The following ANKHD1 variants were observed in gnomAD, a reference collection of about 807,000 sequenced individuals.
ANKHD1 encodes the protein ankyrin repeat and KH domain containing 1, also known as ankyrin repeat and KH domain-containing protein 1.
ANKHD1 carries 31 observed loss-of-function variants against 230.5 expected under a neutral mutation model. The ratio of observed to expected loss-of-function variants is 0.13; its 90% CI spans 0.10 to 0.18. The LOEUF is 0.18. Ranked by LOEUF, ANKHD1 falls within the 10% of genes least tolerant of loss-of-function variation. The probability of loss-of-function intolerance (pLI) is 1.00; values close to 1 mark genes in which losing one functional copy is unlikely to be tolerated. For missense variants in ANKHD1, 2,256 were observed against 3,071.3 expected, an observed-to-expected ratio of 0.73 and a Z score of 6.27; for synonymous variants, 1,074 against 1,117.6, an observed-to-expected ratio of 0.96 and a Z score of 0.78.
At chr5:140,514,227 GCT>G (rs1752886809) in intron 24 of ANKHD1, among the ~76,000 whole-genome samples, 1 of 151,386 alleles carries the variant, frequency 6.6e-6, no homozygotes, top group Admixed American at 6.6e-5. Flanking sequence ...AGATGTCATG[GCT>G]CATGCCTGTA....
In ANKHD1 at chr5:140,450,894, T is replaced by C. The variant is rs189920827; in HGVS notation, c.1242+1589T>C. On this transcript the variant is annotated intron_variant, in intron 7 of 33. Coordinates refer to ENST00000360839, the MANE Select transcript of ANKHD1 (RefSeq NM_017747.3). ...TTGGCTGGGCGTGGTGGCTCATGCC[T>C]GTAATCCTAGCACTTTGAGAGGCTG... 2.2e-4 allele frequency among the ~76,000 whole-genome samples: 33 copies of C among 152,280 alleles called. 1 individual carries two copies. Among genetic ancestry groups the C allele is most frequent in the Admixed American group, 6.5e-4 (10 of 15,294 alleles).
chr5:140,485,844 T>C lies in ANKHD1; in HGVS notation c.2142+112T>C, dbSNP rs1047742227. 1.4e-6 allele frequency: 2 copies of C among 1,425,888 alleles called. No individual in the cohort carries two copies. Among genetic ancestry groups the C allele is most frequent in the African/African-American group, 2.9e-5 (2 of 68,488 alleles). The allele number at this position is 1,425,888 out of a possible 1,614,324, so 88.3% of individuals were successfully genotyped here. A position where few individuals can be genotyped will look rare whatever the true frequency, so the allele number is the denominator to read the frequency against. ...GGACTTGTTTTTATTCTCTGTTACA[T>C]ATTGAGAAAATCATGACTCTAAATT... is the stretch of plus-strand genomic sequence containing the variant. On this transcript the variant is annotated intron_variant, in intron 13 of 33. Transcript: ENST00000360839. This position sits in a 1 kb window ranked among gnomAD's most constrained non-coding sequence, Gnocchi z 4.8.
In ANKHD1 at chr5:140,458,985, TATATATATATGC is replaced by T. The variant is rs1484692609; in HGVS notation, c.1480+134_1480+145del. ...ATATATATATATATATATATGCATA[TATATATATATGC>T]ATATATATATATATATATATATATA... On this transcript the variant is annotated intron_variant, in intron 8 of 33. Transcript: ENST00000360839. 7.0e-3 allele frequency: 145 copies of T among 20,792 alleles called. 6 individuals are homozygous for T. Among genetic ancestry groups the T allele is most frequent in the East Asian group, 0.019 (12 of 644 alleles). The allele number at this position is 20,792 out of a possible 1,614,324, so 1.3% of individuals were successfully genotyped here. A position where few individuals can be genotyped will look rare whatever the true frequency, so the allele number is the denominator to read the frequency against.
chr5:140,458,893 C>A, intron 8 of ANKHD1, 31 bp downstream of exon 8: 2 of 1,548,996 alleles, frequency 1.3e-6, no homozygotes, highest in South Asian at 1.2e-5. Flanking sequence ...TTAGAAAAAT[C>A]AGTTTTCTTT....
intron 5 of ANKHD1, among the ~76,000 whole-genome samples, chr5:140,443,731 G>A (rs1774052809): frequency 6.6e-6 from 1 of 151,462 alleles, no homozygotes; most frequent in African/African-American, 2.4e-5. Flanking sequence ...CTGCCAACAA[G>A]GAAGTTTTAA....
At position 140,505,864 on chromosome 5, in the gene ANKHD1, C is replaced by A; in HGVS notation, c.3403C>A (p.Gln1135Lys). The A allele has an allele frequency of 6.3e-7, 1 of 1,581,376 alleles. No homozygotes were observed. Among genetic ancestry groups the A allele is most frequent in the South Asian group, 1.2e-5 (1 of 85,290 alleles). Residue 1135 changes from glutamine (Q) to lysine (K), a missense_variant, in exon 18 of 34, where the codon CAG becomes AAG. By Grantham distance (53) the Gln-to-Lys change is moderately conservative (BLOSUM62 1). This residue lies in a region of ANKHD1 where 63 missense variants were observed against 125.5 expected (regional missense o/e 0.50). Coordinates refer to ENST00000360839, the MANE Select transcript of ANKHD1 (RefSeq NM_017747.3). ...PLSLACSGGR[Q>K]EVVDLLLARG... is the part of the protein sequence containing the mutation. ...TTCATTGGCATGTTCTGGTGGACGT[C>A]AGGAGGTGTGTTAATGTTAATTTTC...
intron 15 of ANKHD1, among the ~76,000 whole-genome samples, chr5:140,498,761 T>C (rs1220179085): frequency 2.0e-5 from 3 of 152,156 alleles, no homozygotes; most frequent in Non-Finnish European, 4.4e-5. Context: ...TTTTAACATG[T>C]AGTGTTCTGT....
At chr5:140,464,631 G>A in intron 9 of ANKHD1, 36 bp from the exon 10 acceptor site, 4 of 1,495,454 alleles carry the variant, frequency 2.7e-6, no homozygotes, top group Non-Finnish European at 3.6e-6. Context: ...CAATTTTACA[G>A]TTCACAAAGT....
rs759387136 is a variant in ANKHD1 at position 140,529,748 on chromosome 5, G to A, written c.6802G>A (p.Ala2268Thr). The A allele has an allele frequency of 6.2e-7, 1 of 1,614,140 alleles. No homozygotes were observed. The highest frequency in any genetic ancestry group is 1.1e-5 in the South Asian group (1 of 91,070). The change falls in exon 29 of 34, where the codon GCA becomes ACA. Residue 2268 changes from alanine (A) to threonine (T), a missense_variant. Ala to Thr is a moderately conservative substitution (Grantham distance 58). Coordinates refer to ENST00000360839, the MANE Select transcript of ANKHD1 (RefSeq NM_017747.3). ...AAACATGCACCCTGATAACTCAAAG[G>A]CACCTGGCTTCAGACCACCTTCCCA... is the stretch of plus-strand genomic sequence containing the variant. ...LENMHPDNSKAPGFRPPSQRV... is the reference protein window; with the variant it reads ...LENMHPDNSKTPGFRPPSQRV...
At chr5:140,464,304 T>G (rs1775934649) in intron 9 of ANKHD1, among the ~76,000 whole-genome samples, 1 of 152,108 alleles carries the variant, frequency 6.6e-6, no homozygotes, top group South Asian at 2.1e-4. Flanking sequence ...ACGAAATAAT[T>G]GCTCATTTGA....
In ANKHD1 at chr5:140,527,322, T is replaced by C; in HGVS notation, c.5087+248T>C. ...AGTTGCTTTTTATGTAGTTCAAATG[T>C]AAAGGCTTTCTCTTGCTTTTTTTCT... On this transcript the variant is annotated intron_variant, in intron 27 of 33. Transcript: ENST00000360839. This position sits in a 1 kb window ranked among gnomAD's most constrained non-coding sequence, Gnocchi z 4.5. 1 of 376,752 alleles carries C rather than the reference T, an allele frequency of 2.7e-6. No homozygotes were observed. 23.3% of individuals were successfully genotyped at this position (376,752 alleles called of 1,614,324 possible).
At chr5:140,467,932 A>G (rs553171626) in intron 10 of ANKHD1, among the ~76,000 whole-genome samples, 4 of 151,744 alleles carry the variant, frequency 2.6e-5, no homozygotes, top group Non-Finnish European at 5.9e-5. Context: ...GGCTATAATA[A>G]TTTCCTCCAG....
In ANKHD1 at chr5:140,526,586, G is replaced by A. The variant is rs1347498701; in HGVS notation, c.4940+143G>A. On this transcript the variant is annotated intron_variant, in intron 26 of 33. Coordinates refer to ENST00000360839, the MANE Select transcript of ANKHD1 (RefSeq NM_017747.3). ...TTATCTATCTTCAATATTCAAAACT[G>A]AAATTCACCCATGTCCTCTTTATCA... 4.3e-6 allele frequency: 5 copies of A among 1,156,480 alleles called. No individual in the cohort carries two copies. In the Admixed American group the frequency reaches 1.0e-4, roughly 23 times the overall value. 71.6% of individuals were successfully genotyped at this position (1,156,480 alleles called of 1,614,324 possible). A position where few individuals can be genotyped will look rare whatever the true frequency, so the allele number is the denominator to read the frequency against.
chr5:140,505,322 CT>C, intron 17 of ANKHD1, 89 bp downstream of exon 17: 1 of 1,381,234 alleles, frequency 7.2e-7, no homozygotes. Context: ...CCTAGACTAT[CT>C]CAGTGATAAG....
At chr5:140,526,747 T>C (rs1428833888) in intron 26 of ANKHD1, among the ~76,000 whole-genome samples, 181 bp from the exon 27 acceptor site, 2 of 152,228 alleles carry the variant, frequency 1.3e-5, no homozygotes, top group Non-Finnish European at 2.9e-5. Context: ...TGAATCCATT[T>C]TAATACTAAA....
intron 5 of ANKHD1, among the ~76,000 whole-genome samples, chr5:140,442,296 A>C (rs1032922182): frequency 6.6e-6 from 1 of 151,954 alleles, no homozygotes; most frequent in African/African-American, 2.4e-5. Flanking sequence ...TGCCCGCCTC[A>C]GCCTCCCAAA....
intron 7 of ANKHD1, among the ~76,000 whole-genome samples, chr5:140,450,272 T>C (rs1774614468): frequency 6.6e-6 from 1 of 151,136 alleles, no homozygotes; most frequent in African/African-American, 2.4e-5. Context: ...TGGCTTAATG[T>C]AGCAGCCACA....
chr5:140,522,331 A>G (rs550705785), intron 24 of ANKHD1, among the ~76,000 whole-genome samples: 3 of 152,236 alleles, frequency 2.0e-5, no homozygotes, highest in Non-Finnish European at 2.9e-5. Context: ...AAACAATTCT[A>G]TTCTGTAGAC....
chr5:140,470,427 A>G (rs1427997613), intron 10 of ANKHD1, among the ~76,000 whole-genome samples: 4 of 147,732 alleles, frequency 2.7e-5, no homozygotes, highest in African/African-American at 5.0e-5. Context: ...GTTTTTGACT[A>G]TTTATTTTTC....
Sources: gnomAD v4.1 joint callset for allele counts (sites outside exome capture counted in the v4.1 genomes callset) on GRCh38, gnomAD v4.1.1 for gene constraint, gnomAD v4.1.1 regional missense constraint, Gnocchi (gnomAD v3.1) non-coding constraint, MANE v1.5 for transcripts, NCBI Gene and HGNC (gene_info 2026-07-23, HGNC 2026-07-21) for gene names.